Variants in SYNPR observed in about 807,000 individuals in gnomAD.
The protein encoded by SYNPR is synaptoporin.
A neutral mutation model predicts 32.9 loss-of-function variants in SYNPR; 23 were observed. The observed-to-expected ratio is 0.70, with a 90% CI of 0.50 to 0.99. The LOEUF (loss-of-function observed/expected upper bound fraction) is 0.99, where lower values mean the gene tolerates loss of function less well. Among genes scored for constraint, SYNPR ranks in the 50% least tolerant of loss-of-function variants. The pLI, the probability that SYNPR is intolerant of heterozygous loss-of-function variation, is 0.00. For missense variants in SYNPR, 318 were observed against 349.3 expected, an observed-to-expected ratio of 0.91 and a Z score of 0.71; for synonymous variants, 146 against 135.9, an observed-to-expected ratio of 1.07 and a Z score of -0.52.
At chr3:63,615,133 TC>T in intron 5 of SYNPR, 90 bp from the exon 6 acceptor site, 4 of 1,418,792 alleles carry the variant, frequency 2.8e-6, no homozygotes, top group East Asian at 2.4e-5. Flanking sequence ...TGAAAAGTGA[TC>T]TTTTGTATTG....
chr3:63,254,698 A>ATGGGCC (rs2086367257), intron 2 of SYNPR, among the ~76,000 whole-genome samples: 1 of 152,188 alleles, frequency 6.6e-6, no homozygotes, highest in Non-Finnish European at 1.5e-5. Flanking sequence ...CCTTGGTACT[A>ATGGGCC]TGGGCCGAAT....
chr3:63,320,247 G>A (rs2087096993), intron 2 of SYNPR, among the ~76,000 whole-genome samples: 1 of 151,910 alleles, frequency 6.6e-6, no homozygotes. Context: ...CACCATGCCT[G>A]GCCTACATTT....
intron 2 of SYNPR, among the ~76,000 whole-genome samples, chr3:63,359,059 A>G (rs1057112729): frequency 1.3e-5 from 2 of 152,152 alleles, no homozygotes; most frequent in African/African-American, 4.8e-5. Flanking sequence ...ACTTTTTATT[A>G]AGAAATTTAA....
intron 3 of SYNPR, among the ~76,000 whole-genome samples, chr3:63,534,565 A>G (rs1702168397): frequency 6.6e-6 from 1 of 152,180 alleles, no homozygotes; most frequent in Non-Finnish European, 1.5e-5. Context: ...TTCTCATTTA[A>G]TTTATAAGAA....
At chr3:63,443,334 T>TA in intron 2 of SYNPR, 2 of 1,523,348 alleles carry the variant, frequency 1.3e-6, no homozygotes, top group South Asian at 1.3e-5. Context: ...CTTTGCTTCA[T>TA]AAAAAGAGGG....
At chr3:63,501,048 G>A (rs549331668) in intron 3 of SYNPR, among the ~76,000 whole-genome samples, 1 of 150,646 alleles carries the variant, frequency 6.6e-6, no homozygotes, top group Admixed American at 6.6e-5. Context: ...ACAGTGCCTG[G>A]CCCATGGCAA....
At chr3:63,451,167 T>C (rs999769875) in intron 2 of SYNPR, among the ~76,000 whole-genome samples, 2 of 152,168 alleles carry the variant, frequency 1.3e-5, no homozygotes, top group African/African-American at 4.8e-5. Flanking sequence ...CTGTCATAGA[T>C]GAAATAGGAA....
chr3:63,592,523 T>C (rs1231390772), intron 4 of SYNPR, among the ~76,000 whole-genome samples: 1 of 151,932 alleles, frequency 6.6e-6, no homozygotes, highest in Admixed American at 6.6e-5. Context: ...AGGGAGAAAC[T>C]AAGTTAAGTG....
In SYNPR at chr3:63,447,998, A is replaced by ATATTTATTTATTTATTTATTTATT. The variant is rs369985539; in HGVS notation, c.85-32813_85-32812insATTTATTTATTTATTTATTTATTT. On this transcript the variant is annotated intron_variant, in intron 2 of 5. Transcript: ENST00000478300. ...GGACTTATTTAGCCTTGCCTACAGA[A>ATATTTATTTATTTATTTATTTATT]TATTTATTTATTTATTTATTTTTGA... Among the ~76,000 whole-genome samples, 1,140 of 151,734 alleles carry ATATTTATTTATTTATTTATTTATT rather than the reference A, an allele frequency of 7.5e-3. 12 individuals carry two copies. The highest frequency in any genetic ancestry group is 0.022 in the East Asian group (111 of 5,122).
At chr3:63,336,380 A>G (rs2087293438) in intron 2 of SYNPR, among the ~76,000 whole-genome samples, 1 of 151,924 alleles carries the variant, frequency 6.6e-6, no homozygotes, top group Non-Finnish European at 1.5e-5. Flanking sequence ...AATGTTAACA[A>G]TGATGAACTT....
intron 3 of SYNPR, among the ~76,000 whole-genome samples, chr3:63,522,050 A>G (rs1032488494): frequency 1.3e-5 from 2 of 152,280 alleles, no homozygotes; most frequent in African/African-American, 4.8e-5. Context: ...ATGTTTCTCA[A>G]CCTCTGAGTT....
chr3:63,366,413 T>C (rs932014891), intron 2 of SYNPR, among the ~76,000 whole-genome samples: 1 of 152,084 alleles, frequency 6.6e-6, no homozygotes, highest in Non-Finnish European at 1.5e-5. Flanking sequence ...AAAGGCCAAG[T>C]GTAATATAAA....
chr3:63,470,209 TTC>T (rs1325253990), intron 2 of SYNPR, among the ~76,000 whole-genome samples: 1 of 152,222 alleles, frequency 6.6e-6, no homozygotes, highest in East Asian at 1.9e-4. Context: ...TAGAAATATT[TTC>T]TTTTACAAAA....
At chr3:63,543,938 T>A (rs1027764) in intron 3 of SYNPR, among the ~76,000 whole-genome samples, 1 of 151,982 alleles carries the variant, frequency 6.6e-6, no homozygotes, top group East Asian at 1.9e-4. Flanking sequence ...TGGCGGGGCG[T>A]TATTCTAGTA....
At chr3:63,254,084 C>T (rs550892310) in intron 2 of SYNPR, among the ~76,000 whole-genome samples, 142 of 152,074 alleles carry the variant, frequency 9.3e-4, no homozygotes, top group African/African-American at 3.0e-3. Flanking sequence ...AACCAAACAC[C>T]GCATGTTCTC....
intron 2 of SYNPR, among the ~76,000 whole-genome samples, chr3:63,421,512 C>A (rs1374544703): frequency 1.3e-5 from 2 of 151,378 alleles, no homozygotes; most frequent in Non-Finnish European, 2.9e-5. Context: ...AATATTATTT[C>A]ATTTGTTTAA....
intron 3 of SYNPR, among the ~76,000 whole-genome samples, chr3:63,495,394 A>G (rs1005213974): frequency 6.6e-5 from 10 of 152,292 alleles, no homozygotes; most frequent in Middle Eastern, 6.8e-3. Context: ...GCAATGAAGG[A>G]TCTTTAGTTA....
chr3:63,594,057 T>A (rs1699891423), intron 4 of SYNPR, among the ~76,000 whole-genome samples: 1 of 152,214 alleles, frequency 6.6e-6, no homozygotes, highest in Non-Finnish European at 1.5e-5. Context: ...CCTCTCTATT[T>A]ACTTAACTTC....
At chr3:63,407,288 A>G (rs1472456187) in intron 2 of SYNPR, among the ~76,000 whole-genome samples, 3 of 152,194 alleles carry the variant, frequency 2.0e-5, no homozygotes, top group African/African-American at 7.2e-5. Flanking sequence ...TTATTAACAC[A>G]GTGCTTAATT....
Sources: allele counts gnomAD v4.1 joint callset (sites outside exome capture counted in the v4.1 genomes callset), GRCh38; gene constraint gnomAD v4.1.1; transcripts MANE v1.5; gene names NCBI Gene and HGNC (gene_info 2026-07-23, HGNC 2026-07-21).